LRRC4C: variants seen among roughly 807,000 people sequenced by gnomAD.
The protein encoded by LRRC4C is leucine rich repeat containing 4C, also known as leucine-rich repeat-containing protein 4C.
Under a neutral mutation model 33.6 loss-of-function variants are expected in LRRC4C, and 5 were observed. That is an observed-to-expected ratio of 0.15 (90% confidence interval 0.08 to 0.31). The LOEUF is 0.31. Among genes scored for constraint, LRRC4C ranks in the 10% least tolerant of loss-of-function variants. The pLI, the probability that LRRC4C is intolerant of heterozygous loss-of-function variation, is 1.00. For synonymous variants in LRRC4C, 329 were observed against 302.0 expected (o/e 1.09, Z -0.93); for missense variants, 560 against 796.7 (o/e 0.70, Z 3.58).
At chr11:40,238,661 A>C (rs1392610834) in intron 5 of LRRC4C, among the ~76,000 whole-genome samples, 1 of 152,222 alleles carries the variant, frequency 6.6e-6, no homozygotes, top group Non-Finnish European at 1.5e-5. Flanking sequence ...GTTAGAGATA[A>C]GAAAATTTTT....
At chr11:40,386,503 A>C (rs1949117345) in intron 3 of LRRC4C, among the ~76,000 whole-genome samples, 1 of 152,182 alleles carries the variant, frequency 6.6e-6, no homozygotes, top group Admixed American at 6.5e-5. Flanking sequence ...TATAACAATT[A>C]AGTAGGTTTG....
intron 1 of LRRC4C, among the ~76,000 whole-genome samples, chr11:41,277,218 A>T (rs1949512069): frequency 6.6e-6 from 1 of 152,178 alleles, no homozygotes; most frequent in Admixed American, 6.5e-5. Flanking sequence ...AATAACATGA[A>T]TGCTAACATG....
At chr11:40,514,737 A>G (rs767727044) in intron 3 of LRRC4C, among the ~76,000 whole-genome samples, 14 of 151,878 alleles carry the variant, frequency 9.2e-5, no homozygotes, top group Non-Finnish European at 1.8e-4. Flanking sequence ...ACTTTCTTCT[A>G]TCTCTTCTCT....
chr11:41,448,122 G>GGTTTTGTTTTTTTTTTTTTTTTTTTT (rs1554934483), intron 1 of LRRC4C, among the ~76,000 whole-genome samples: 1 of 46,948 alleles, frequency 2.1e-5, no homozygotes, highest in Non-Finnish European at 4.4e-5. Flanking sequence ...GCACACGTCT[G>GGTTTTGTTTTTTTTTTTTTTTTTTTT]TTTTTTTTTT....
At chr11:40,667,024 C>T (rs927549575) in intron 2 of LRRC4C, among the ~76,000 whole-genome samples, 1 of 152,072 alleles carries the variant, frequency 6.6e-6, no homozygotes, top group African/African-American at 2.4e-5. Context: ...AATATTTTGC[C>T]ACTTGAATGA....
At chr11:41,009,282 A>T (rs1256354135) in intron 1 of LRRC4C, among the ~76,000 whole-genome samples, 1 of 151,960 alleles carries the variant, frequency 6.6e-6, no homozygotes, top group Admixed American at 6.6e-5. Flanking sequence ...TATCCAAAAC[A>T]ATGTGTGTAA....
At chr11:41,033,164 C>T (rs936578931) in intron 1 of LRRC4C, among the ~76,000 whole-genome samples, 1 of 151,806 alleles carries the variant, frequency 6.6e-6, no homozygotes, top group African/African-American at 2.4e-5. Context: ...TGCTTAGGCT[C>T]CTCAAGGGGA....
chr11:40,145,858 C>T (rs80330277), intron 5 of LRRC4C, among the ~76,000 whole-genome samples: 261 of 152,138 alleles, frequency 1.7e-3, no homozygotes, highest in Non-Finnish European at 2.9e-3. Flanking sequence ...TTAATCAGTG[C>T]GTTGTCACTG....
At chr11:40,705,902 C>G (rs1283790466) in intron 2 of LRRC4C, among the ~76,000 whole-genome samples, 1 of 152,120 alleles carries the variant, frequency 6.6e-6, no homozygotes, top group Non-Finnish European at 1.5e-5. Flanking sequence ...ACCATTCTAA[C>G]TGGTGTGAGA....
At chr11:40,475,216 T>C (rs977910576) in intron 3 of LRRC4C, among the ~76,000 whole-genome samples, 1 of 152,112 alleles carries the variant, frequency 6.6e-6, no homozygotes, top group Admixed American at 6.6e-5. Flanking sequence ...TGCCCATCAA[T>C]TGTAGACTGG....
At chr11:40,627,878 G>A (rs554778825) in intron 3 of LRRC4C, among the ~76,000 whole-genome samples, 1 of 152,156 alleles carries the variant, frequency 6.6e-6, no homozygotes, top group Non-Finnish European at 1.5e-5. Flanking sequence ...CAGATAAGCA[G>A]TTCTGGTGAA....
chr11:40,847,772 G>T (rs1187034037), intron 2 of LRRC4C, among the ~76,000 whole-genome samples: 1 of 127,664 alleles, frequency 7.8e-6, no homozygotes, highest in Non-Finnish European at 1.6e-5. Context: ...AAATCCGTTT[G>T]GTCCTGGGCT....
At chr11:40,506,429 T>A (rs185915640) in intron 3 of LRRC4C, among the ~76,000 whole-genome samples, 1 of 152,314 alleles carries the variant, frequency 6.6e-6, no homozygotes, top group African/African-American at 2.4e-5. Context: ...AATTAGCGTA[T>A]TTCATTACAA....
intron 1 of LRRC4C, among the ~76,000 whole-genome samples, chr11:41,267,193 C>T (rs1034527031): frequency 6.6e-6 from 1 of 152,058 alleles, no homozygotes; most frequent in Non-Finnish European, 1.5e-5. Flanking sequence ...TTTATCAGTA[C>T]ATATTTATAA....
intron 5 of LRRC4C, among the ~76,000 whole-genome samples, chr11:40,167,274 C>T (rs540211708): frequency 6.6e-6 from 1 of 152,224 alleles, no homozygotes; most frequent in East Asian, 1.9e-4. Context: ...AACCTTGTAG[C>T]AGATGTAGTG....
At chr11:40,377,289 G>T (rs1948697138) in intron 3 of LRRC4C, among the ~76,000 whole-genome samples, 1 of 152,082 alleles carries the variant, frequency 6.6e-6, no homozygotes, top group Admixed American at 6.6e-5. Context: ...GTAGAAAAAA[G>T]ATGCAGCTCA....
In LRRC4C at chr11:41,435,074, T is replaced by C. The variant is rs555667380; in HGVS notation, c.-496+24357A>G. On this transcript the variant is annotated intron_variant, in intron 1 of 6. Coordinates refer to ENST00000528697, the MANE Select transcript of LRRC4C (RefSeq NM_001258419.2). ...AGCAACCAACATCTGAAAGACTGAG[T>C]GAGAATTAAAAGTCCACAAGGTCCT... Among the ~76,000 whole-genome samples the C allele has an allele frequency of 2.4e-4, 37 of 152,224 alleles. 2 individuals carry two copies. The highest frequency in any genetic ancestry group is 8.4e-4 in the African/African-American group (35 of 41,532).
intron 5 of LRRC4C, among the ~76,000 whole-genome samples, chr11:40,184,487 G>A (rs1233367850): frequency 6.6e-6 from 1 of 152,112 alleles, no homozygotes; most frequent in Non-Finnish European, 1.5e-5. Context: ...AGAGAAACCA[G>A]GCAAGAATAA....
intron 2 of LRRC4C, among the ~76,000 whole-genome samples, chr11:40,799,228 C>T (rs866467567): frequency 2.0e-5 from 3 of 152,084 alleles, no homozygotes; most frequent in African/African-American, 4.8e-5. Context: ...TTTTTCTCAT[C>T]ACAAGCAATT....
Sources: gnomAD v4.1 joint callset for allele counts (sites outside exome capture counted in the v4.1 genomes callset) on GRCh38, gnomAD v4.1.1 for gene constraint, MANE v1.5 for transcripts, NCBI Gene and HGNC (gene_info 2026-07-23, HGNC 2026-07-21) for gene names.